CAMSAP1: variants seen among roughly 807,000 people sequenced by gnomAD.
CAMSAP1 encodes calmodulin-regulated spectrin-associated protein 1.
A neutral mutation model predicts 143.5 loss-of-function variants in CAMSAP1; 58 were observed. The observed-to-expected ratio is 0.40, with a 90% CI of 0.33 to 0.50. The LOEUF is 0.50. CAMSAP1 is among the 20% of genes least tolerant of loss of function. The pLI is 0.45. For synonymous variants in CAMSAP1, 945 were observed against 859.3 expected, an observed-to-expected ratio of 1.10 and a Z score of -1.74; for missense variants, 1,969 against 2,115.7, an observed-to-expected ratio of 0.93 and a Z score of 1.36.
intron 5 of CAMSAP1, among the ~76,000 whole-genome samples, chr9:135,853,153 CCT>C (rs1053194629): frequency 4.6e-5 from 7 of 152,160 alleles, no homozygotes; most frequent in African/African-American, 1.7e-4. Context: ...GTACCTTGCC[CCT>C]GAGGTGACAC....
At chr9:135,867,461 A>C (rs1837417043) in intron 3 of CAMSAP1, among the ~76,000 whole-genome samples, 2 of 149,656 alleles carry the variant, frequency 1.3e-5, no homozygotes, top group African/African-American at 2.5e-5. Context: ...CCTAGGCAAC[A>C]CAGCAAGACC....
chr9:135,853,297 T>C (rs1836841629), intron 5 of CAMSAP1, among the ~76,000 whole-genome samples: 1 of 152,140 alleles, frequency 6.6e-6, no homozygotes, highest in South Asian at 2.1e-4. Context: ...AGGGAAACTA[T>C]GAGGGGACGC....
At position 135,812,104 on chromosome 9, in the gene CAMSAP1, C is replaced by T. The variant is rs536558550; in HGVS notation, c.4507-493G>A. On this transcript the variant is annotated intron_variant, in intron 16 of 16. Transcript: ENST00000389532. ...CAGCAATTCCTCTCTCACATATGTA[C>T]TCAAGGGAAATGAAAACACGCATCC... 2.0e-5 allele frequency among the ~76,000 whole-genome samples: 3 copies of T among 152,290 alleles called. No individual in the cohort carries two copies. The South Asian group carries it at 6.2e-4, about 32-fold the overall frequency.
At chr9:135,880,968 T>C (rs754089131) in intron 3 of CAMSAP1, among the ~76,000 whole-genome samples, 3 of 152,198 alleles carry the variant, frequency 2.0e-5, no homozygotes, top group East Asian at 1.9e-4. Context: ...CCATTTTTTT[T>C]CCTTAATAAT....
In CAMSAP1 at chr9:135,815,090, T is replaced by C. The variant is rs376406930; in HGVS notation, c.4506+7A>G. On this transcript the variant is annotated splice_region_variant and intron_variant, in intron 16 of 16. Transcript: ENST00000389532. ...CATAAAAACTGAGGTTGAAACATGA[T>C]ACTTGCCTCCAATATGGAATTCTTG... 5 of 1,587,718 alleles carry C rather than the reference T, an allele frequency of 3.1e-6. No homozygotes were observed. Among genetic ancestry groups the C allele is most frequent in the Non-Finnish European group, 4.3e-6 (5 of 1,156,878 alleles).
intron 5 of CAMSAP1, among the ~76,000 whole-genome samples, chr9:135,858,792 C>T (rs1348272575): frequency 6.6e-6 from 1 of 152,244 alleles, no homozygotes; most frequent in African/African-American, 2.4e-5. Context: ...CTAAAATCCC[C>T]CAGGAAGCCA....
intron 7 of CAMSAP1, among the ~76,000 whole-genome samples, chr9:135,845,452 G>A (rs973371187): frequency 1.3e-5 from 2 of 152,136 alleles, no homozygotes; most frequent in Admixed American, 6.6e-5. Context: ...TTTGAAAACC[G>A]GTACAAGACA....
chr9:135,894,577 C>G (rs1838390472), intron 1 of CAMSAP1, among the ~76,000 whole-genome samples: 1 of 152,112 alleles, frequency 6.6e-6, no homozygotes, highest in Admixed American at 6.5e-5. Context: ...CATGGAAGCC[C>G]CAGGGGAGAG....
chr9:135,876,735 A>G (rs1300128077), intron 3 of CAMSAP1, among the ~76,000 whole-genome samples: 1 of 152,192 alleles, frequency 6.6e-6, no homozygotes, highest in East Asian at 1.9e-4. Flanking sequence ...ATTGCTGGGC[A>G]CAGTAGCTGA....
chr9:135,818,893 G>C lies in CAMSAP1; in HGVS notation c.3959+117C>G, dbSNP rs1835338370. ...GGGAGGTGGTCCATGGGAGGAGTAA[G>C]ACCGTCACAGGCACTCATTGCCATG... On this transcript the variant is annotated intron_variant, in intron 12 of 16. Coordinates refer to ENST00000389532, the MANE Select transcript of CAMSAP1 (RefSeq NM_015447.4). This position sits in a 1 kb window ranked among gnomAD's most constrained non-coding sequence, Gnocchi z 7.7. 3.4e-6 allele frequency: 5 copies of C among 1,452,620 alleles called. No homozygotes were observed. The highest frequency in any genetic ancestry group is 3.7e-6 in the Non-Finnish European group (4 of 1,080,170). 90.0% of individuals were successfully genotyped at this position (1,452,620 alleles called of 1,614,324 possible).
Position 135,821,269 on chromosome 9 carries a change from G to C in CAMSAP1, c.3392C>G (p.Pro1131Arg). 1 of 1,609,830 alleles carries C rather than the reference G, an allele frequency of 6.2e-7. No individual in the cohort carries two copies. The highest frequency in any genetic ancestry group is 1.1e-5 in the South Asian group (1 of 91,080). The change falls in exon 11 of 17, where the codon CCG becomes CGG. Residue 1131 changes from proline to arginine, a missense_variant. Transcript: ENST00000389532. The surrounding 1 kb of genome is among the most constrained non-coding windows in gnomAD (Gnocchi z 4.6). ...KTPTPSVETL[P>R]HLRPFPASSH... ...GCTGGCAGGGAAGGGTCTCAAGTGC[G>C]GGAGCGTCTCTACACTGGGCGTTGG...
chr9:135,837,804 C>A (rs554369697), intron 7 of CAMSAP1, among the ~76,000 whole-genome samples: 1 of 150,294 alleles, frequency 6.7e-6, no homozygotes, highest in Non-Finnish European at 1.5e-5. Context: ...CACGTCATCA[C>A]GCACTTTCTG....
intron 1 of CAMSAP1, among the ~76,000 whole-genome samples, chr9:135,905,026 C>A (rs1445101457): frequency 6.6e-6 from 1 of 152,128 alleles, no homozygotes; most frequent in Non-Finnish European, 1.5e-5. Flanking sequence ...TGCGAAGGCA[C>A]TGTCACCCAC....
At chr9:135,899,646 A>G (rs1838559180) in intron 1 of CAMSAP1, among the ~76,000 whole-genome samples, 1 of 152,020 alleles carries the variant, frequency 6.6e-6, no homozygotes, top group South Asian at 2.1e-4. Flanking sequence ...TTTCCAGTCT[A>G]ATTTCGCCTT....
chr9:135,857,933 T>C (rs1837035110), intron 5 of CAMSAP1, among the ~76,000 whole-genome samples: 1 of 152,146 alleles, frequency 6.6e-6, no homozygotes, highest in Non-Finnish European at 1.5e-5. Flanking sequence ...CTGGCTCAGT[T>C]CTCCTCAAGA....
chr9:135,890,117 A>G (rs1838243232), intron 1 of CAMSAP1, among the ~76,000 whole-genome samples: 1 of 152,092 alleles, frequency 6.6e-6, no homozygotes, highest in Admixed American at 6.5e-5. Context: ...TGGCAGACAC[A>G]GTAGGACAGT....
At position 135,810,614 on chromosome 9, in the gene CAMSAP1, T is replaced by C. The variant is rs1835010189; in HGVS notation, c.*695A>G. The C allele has an allele frequency of 6.6e-6, 1 of 152,670 alleles. No homozygotes were observed. The highest frequency in any genetic ancestry group is 1.5e-5 in the Non-Finnish European group (1 of 68,066). 9.5% of individuals were successfully genotyped at this position (152,670 alleles called of 1,614,324 possible). On this transcript the variant is annotated 3_prime_UTR_variant, in exon 17 of 17. Transcript: ENST00000389532. ...TCATCTTCACATTTGTAGACGTTGT[T>C]CTAGCGGAAGACAGGCTTTGCAGAT... is the stretch of plus-strand genomic sequence containing the variant.
intron 5 of CAMSAP1, among the ~76,000 whole-genome samples, chr9:135,856,643 C>T (rs1836990221): frequency 6.6e-6 from 1 of 152,200 alleles, no homozygotes; most frequent in Non-Finnish European, 1.5e-5. Context: ...GCCTCTCTCC[C>T]CAGTGGCCAC....
At chr9:135,816,145 T>C in intron 14 of CAMSAP1, 140 bp from the exon 15 acceptor site, 2 of 683,292 alleles carry the variant, frequency 2.9e-6, no homozygotes, top group Non-Finnish European at 5.1e-6. Context: ...GGGGCTCGAG[T>C]TGCCACAACT....
Sources: allele counts gnomAD v4.1 joint callset (sites outside exome capture counted in the v4.1 genomes callset), GRCh38; gene constraint gnomAD v4.1.1; non-coding constraint Gnocchi (gnomAD v3.1); transcripts MANE v1.5; gene names NCBI Gene and HGNC (gene_info 2026-07-23, HGNC 2026-07-21).